Variants in TRMT44 observed in about 807,000 individuals in gnomAD.
TRMT44 encodes tRNA methyltransferase 44 homolog, also known as probable tRNA (uracil-O(2)-)-methyltransferase.
A neutral mutation model predicts 77.3 loss-of-function variants in TRMT44; 78 were observed. The ratio of observed to expected loss-of-function variants is 1.01; its 90% CI spans 0.84 to 1.22. The LOEUF is 1.22. Among genes scored for constraint, TRMT44 ranks in the 50% most tolerant of loss-of-function variants. The probability of loss-of-function intolerance (pLI) is 0.00; values close to 1 mark genes in which losing one functional copy is unlikely to be tolerated. For synonymous variants in TRMT44, 391 were observed against 383.3 expected (o/e 1.02, Z -0.23); for missense variants, 1,090 against 964.4 (o/e 1.13, Z -1.73).
chr4:8,499,223 A>C, the TRMT44 span, among the ~76,000 whole-genome samples: 1 of 151,994 alleles, frequency 6.6e-6, no homozygotes, highest in Non-Finnish European at 1.5e-5. Flanking sequence ...GTGAACTCCC[A>C]TCCGGCACAG....
chr4:8,480,707 C>T (rs1362010968), downstream of TRMT44, among the ~76,000 whole-genome samples: 1 of 152,196 alleles, frequency 6.6e-6, no homozygotes, highest in African/African-American at 2.4e-5. Flanking sequence ...GGGACCATCA[C>T]CTCAAGGACT....
the TRMT44 span, among the ~76,000 whole-genome samples, chr4:8,503,148 G>A: frequency 5.3e-5 from 8 of 152,288 alleles, no homozygotes; most frequent in African/African-American, 1.9e-4. Flanking sequence ...GACTTGGCAG[G>A]GGTTCCTGGA....
intron 7 of TRMT44, among the ~76,000 whole-genome samples, chr4:8,465,109 AG>A (rs1455922005): frequency 6.6e-6 from 1 of 152,162 alleles, no homozygotes; most frequent in Non-Finnish European, 1.5e-5. Flanking sequence ...ACCCCCTGGT[AG>A]TTACTATGCT....
At chr4:8,445,173 G>A (rs893889737) in intron 1 of TRMT44, among the ~76,000 whole-genome samples, 1 of 152,180 alleles carries the variant, frequency 6.6e-6, no homozygotes, top group Admixed American at 6.5e-5. Flanking sequence ...TTTATTTTTT[G>A]TATAAATAGG....
At chr4:8,497,046 G>A (rs1398464939), downstream of TRMT44, among the ~76,000 whole-genome samples, 1 of 151,884 alleles carries the variant, frequency 6.6e-6, no homozygotes, top group Non-Finnish European at 1.5e-5. Flanking sequence ...AAAAGAACAA[G>A]TGTTTTTCTA....
At position 8,468,066 on chromosome 4, in the gene TRMT44, C is replaced by T. The variant is rs775860149; in HGVS notation, c.1647C>T (p.Gly549=). 9.3e-6 allele frequency: 15 copies of T among 1,613,980 alleles called. No individual in the cohort carries two copies. The Admixed American group carries it at 2.0e-4, about 22-fold the overall frequency. ...LSPSPRWVAA[G]SAGHCDGQQA... is the part of the protein sequence containing the mutation. The stretch of plus-strand genomic sequence containing the variant: ...CTTCTCCACGCTGGGTTGCTGCTGG[C>T]AGTGCTGGTCACTGTGACGGTCAGC... Residue 549 remains glycine, a synonymous_variant, in exon 9 of 11, where the codon GGC becomes GGT. Coordinates refer to ENST00000389737, the MANE Select transcript of TRMT44 (RefSeq NM_152544.3).
At chr4:8,463,847 G>A (rs1579066543) in intron 6 of TRMT44, 138 bp from the exon 7 acceptor site, 6 of 686,566 alleles carry the variant, frequency 8.7e-6, no homozygotes, top group East Asian at 5.5e-5. Context: ...GCTCTTCCCC[G>A]CTCTTGGTCA....
rs1725511529 is a variant in TRMT44, at chr4:8,452,409, T to G, written c.1023+381T>G. Among the ~76,000 whole-genome samples the G allele has an allele frequency of 6.6e-6, 1 of 152,224 alleles. No individual in the cohort carries two copies. Among genetic ancestry groups the G allele is most frequent in the African/African-American group, 2.4e-5 (1 of 41,456 alleles). ...GGCTACATTTGGACATGCCCTCTGA[T>G]TTAATCATCTTGGTTTACTTATCTA... On this transcript the variant is annotated intron_variant, in intron 4 of 10. Transcript: ENST00000389737. This position sits in a 1 kb window ranked among gnomAD's most constrained non-coding sequence, Gnocchi z 5.7.
chr4:8,468,301 A>G lies in TRMT44; in HGVS notation c.1882A>G (p.Thr628Ala), dbSNP rs1456543846. 1 of 1,614,210 alleles carries G rather than the reference A, an allele frequency of 6.2e-7. No individual in the cohort carries two copies. Among genetic ancestry groups the G allele is most frequent in the East Asian group, 2.2e-5 (1 of 44,882 alleles). The change falls in exon 9 of 11, where the codon ACA becomes GCA. Residue 628 changes from threonine to alanine, a missense_variant. Coordinates refer to ENST00000389737, the MANE Select transcript of TRMT44 (RefSeq NM_152544.3). ...NLLLGGKQLN[T>A]RSSRNGSLKT... is the part of the protein sequence containing the mutation. Reference sequence around the variant, plus strand: ...ACTGTTAGGTGGAAAGCAATTAAACACAAGAAGTTCTCGAAATGGGAGTTT... The same window carrying G: ...ACTGTTAGGTGGAAAGCAATTAAACGCAAGAAGTTCTCGAAATGGGAGTTT...
chr4:8,474,501 C>T (rs781321328), intron 10 of TRMT44, among the ~76,000 whole-genome samples: 3 of 152,208 alleles, frequency 2.0e-5, no homozygotes, highest in East Asian at 1.9e-4. Context: ...ACTGTGGCGC[C>T]GTTCTCTGGG....
intron 6 of TRMT44, among the ~76,000 whole-genome samples, chr4:8,462,786 A>G (rs1726254024): frequency 6.6e-6 from 1 of 152,214 alleles, no homozygotes; most frequent in Non-Finnish European, 1.5e-5. Context: ...TGTTGGCAAG[A>G]TAATATAAAA....
At chr4:8,489,010 A>G (rs1177614649) in intron 2 of TRMT44, among the ~76,000 whole-genome samples, 1 of 152,208 alleles carries the variant, frequency 6.6e-6, no homozygotes, top group Non-Finnish European at 1.5e-5. Context: ...CGCAGAAGGG[A>G]TGAAAATCAC....
chr4:8,446,701 A>T lies in TRMT44; in HGVS notation c.734+111A>T. On this transcript the variant is annotated intron_variant, in intron 2 of 10. Transcript: ENST00000389737. This position sits in a 1 kb window ranked among gnomAD's most constrained non-coding sequence, Gnocchi z 4.3. Reference sequence around the variant, plus strand: ...TTAAGGTCCTGTCTCTGAGGTGGTTATGGTTTGTAGGAATGCAGTTGCTAG... The same window carrying T: ...TTAAGGTCCTGTCTCTGAGGTGGTTTTGGTTTGTAGGAATGCAGTTGCTAG... 1 of 699,562 alleles carries T rather than the reference A, an allele frequency of 1.4e-6. No individual in the cohort carries two copies. The highest frequency in any genetic ancestry group is 2.3e-6 in the Non-Finnish European group (1 of 429,880). The allele number at this position is 699,562 out of a possible 1,614,324, so 43.3% of individuals were successfully genotyped here.
chr4:8,488,803 T>C (rs2631745), intron 2 of TRMT44, among the ~76,000 whole-genome samples: 39,690 of 152,122 alleles, frequency 0.26, 5,906 homozygotes, highest in Admixed American at 0.38. Context: ...CAGCTGAAGC[T>C]ATAGCCCAGG....
At chr4:8,441,589 A>C (rs991510607) in intron 1 of TRMT44, 148 bp downstream of exon 1, 1 of 951,014 alleles carries the variant, frequency 1.1e-6, no homozygotes. Flanking sequence ...GAGTGGGCGC[A>C]TAGAAATGTG....
At chr4:8,504,123 G>A in the TRMT44 span, among the ~76,000 whole-genome samples, 7 of 149,662 alleles carry the variant, frequency 4.7e-5, no homozygotes, top group Admixed American at 1.3e-4. The surrounding 1 kb of genome is among the most constrained non-coding windows in gnomAD (Gnocchi z 5.3). Context: ...GTCTCAGGGC[G>A]GGGCAGGGGC....
chr4:8,447,302 G>T (rs1725116924), intron 2 of TRMT44, among the ~76,000 whole-genome samples: 1 of 152,204 alleles, frequency 6.6e-6, no homozygotes. Context: ...TGGTATTTGG[G>T]CCTGTATAGA....
chr4:8,452,932 C>T lies in TRMT44; in HGVS notation c.1074C>T (p.Ser358=), dbSNP rs749954830. 6.5e-6 allele frequency: 10 copies of T among 1,533,328 alleles called. No homozygotes were observed. The highest frequency in any genetic ancestry group is 3.3e-4 in the Middle Eastern group (2 of 6,002). The allele number at this position is 1,533,328 out of a possible 1,614,324, so 95.0% of individuals were successfully genotyped here. ...AGAGGAGACTAACTGCCAGGCAGTC[C>T]TTTGTGGACCTGGGATGTGGAAATG... ...RAERRLTARQ[S]FVDLGCGNGL... is the part of the protein sequence containing the mutation. The change falls in exon 5 of 11, where the codon TCC becomes TCT. Residue 358 remains serine, a synonymous_variant. Transcript: ENST00000389737. The surrounding 1 kb of genome is among the most constrained non-coding windows in gnomAD (Gnocchi z 5.7).
chr4:8,469,817 G>A (rs1224993991), intron 9 of TRMT44, among the ~76,000 whole-genome samples: 1 of 152,232 alleles, frequency 6.6e-6, no homozygotes, highest in South Asian at 2.1e-4. Flanking sequence ...GCCTTTGGTC[G>A]CCCCCACCCA....
Sources: gnomAD v4.1 joint callset for allele counts (sites outside exome capture counted in the v4.1 genomes callset) on GRCh38, gnomAD v4.1.1 for gene constraint, Gnocchi (gnomAD v3.1) non-coding constraint, MANE v1.5 for transcripts, NCBI Gene and HGNC (gene_info 2026-07-23, HGNC 2026-07-21) for gene names.